The following APBA2 variants were observed in gnomAD, a reference collection of about 807,000 sequenced individuals.
The protein encoded by APBA2 is amyloid beta precursor protein binding family A member 2.
A neutral mutation model predicts 75.0 loss-of-function variants in APBA2; 30 were observed. That is an observed-to-expected ratio of 0.40 (90% CI 0.30 to 0.54). APBA2 has a LOEUF of 0.54. Among genes scored for constraint, APBA2 ranks in the 20% least tolerant of loss-of-function variants. The pLI, the probability that APBA2 is intolerant of heterozygous loss-of-function variation, is 0.49. For synonymous variants in APBA2, 444 were observed against 409.6 expected (o/e 1.08, Z -1.01); for missense variants, 801 against 1,016.1 (o/e 0.79, Z 2.88).
At chr15:28,970,633 T>C (rs1007972851) in intron 2 of APBA2, 9 of 151,770 alleles carry the variant, frequency 5.9e-5, no homozygotes, top group Admixed American at 5.2e-4. Context: ...TTTTGTCACC[T>C]GAAAGCGTCC....
At chr15:29,030,389 G>A (rs962292938) in intron 3 of APBA2, among the ~76,000 whole-genome samples, 1 of 152,110 alleles carries the variant, frequency 6.6e-6, no homozygotes, top group African/African-American at 2.4e-5. Flanking sequence ...GTGAACCCGG[G>A]AGGCGGAGCT....
chr15:29,034,612 G>A (rs1051418025), intron 3 of APBA2, among the ~76,000 whole-genome samples: 1 of 152,216 alleles, frequency 6.6e-6, no homozygotes, highest in African/African-American at 2.4e-5. Flanking sequence ...TTACTTTGAA[G>A]AGTGACACTT....
chr15:28,984,914 TC>T, intron 2 of APBA2, among the ~76,000 whole-genome samples: 1 of 111,042 alleles, frequency 9.0e-6, no homozygotes, highest in African/African-American at 1.0e-4. Context: ...GGGGAGCTGC[TC>T]TCTCTCTCTC....
intron 1 of APBA2, chr15:28,919,303 A>T (rs2033843563): frequency 6.6e-6 from 1 of 152,244 alleles, no homozygotes; most frequent in Non-Finnish European, 1.5e-5. Context: ...TCTGCTGGGC[A>T]CTGCGACACA....
intron 1 of APBA2, among the ~76,000 whole-genome samples, chr15:28,898,103 C>T (rs1374170738): frequency 6.6e-6 from 1 of 152,130 alleles, no homozygotes; most frequent in Non-Finnish European, 1.5e-5. Flanking sequence ...AAAGGATTCT[C>T]CCCTGGTGCC....
intron 4 of APBA2, among the ~76,000 whole-genome samples, chr15:29,071,495 G>T (rs1306356217): frequency 6.6e-6 from 1 of 151,270 alleles, no homozygotes; most frequent in Non-Finnish European, 1.5e-5. Context: ...GTCCTCTGTT[G>T]GCTGTAGGGA....
rs2041774664 is a variant in APBA2, at chr15:29,054,378, TGCCCATTCCGGAGGATGA to T, written c.499_516del (p.Ile167_Pro172del). 6.2e-7 allele frequency: 1 copy of T among 1,613,966 alleles called. No homozygotes were observed. The highest frequency in any genetic ancestry group is 1.7e-5 in the Admixed American group (1 of 60,010). ...AGCCAGGACTACCCAGACGGCCAAC[TGCCCATTCCGGAGGATGA>T]GCCCTCCGTCCTTGAGGCCCATGAC... On this transcript the variant is annotated inframe_deletion, in exon 4 of 15. Coordinates refer to ENST00000683413, the MANE Select transcript of APBA2 (RefSeq NM_001353788.2). This position sits in a 1 kb window ranked among gnomAD's most constrained non-coding sequence, Gnocchi z 6.1.
At chr15:28,973,782 C>T (rs911705199) in intron 2 of APBA2, among the ~76,000 whole-genome samples, 1 of 152,100 alleles carries the variant, frequency 6.6e-6, no homozygotes, top group Non-Finnish European at 1.5e-5. Flanking sequence ...AAAAGAGGAA[C>T]AGAGAATCAG....
At chr15:29,085,909 C>T (rs568497137) in intron 6 of APBA2, among the ~76,000 whole-genome samples, 2 of 152,268 alleles carry the variant, frequency 1.3e-5, no homozygotes, top group South Asian at 2.1e-4. Context: ...ATGTGGAAGG[C>T]GCCTCCTAAA....
intron 14 of APBA2, among the ~76,000 whole-genome samples, chr15:29,115,865 C>T (rs1439484060): frequency 2.0e-5 from 3 of 152,152 alleles, no homozygotes; most frequent in Non-Finnish European, 4.4e-5. Flanking sequence ...GCTGCTCAGC[C>T]CAGGGCCCGA....
In APBA2 at chr15:28,913,800, T is replaced by A. The variant is rs188531985; in HGVS notation, c.-204-7840T>A. Among the ~76,000 whole-genome samples, 693 of 152,366 alleles carry A rather than the reference T, an allele frequency of 4.5e-3. 5 individuals are homozygous for A. Among genetic ancestry groups the A allele is most frequent in the Middle Eastern group, 0.01 (3 of 294 alleles). Reference sequence around the variant, plus strand: ...TACAGTCACCGAGTTTCTTTCATTGTATTCGGTGACTTTGAAGCCAGTTTG... The same window carrying A: ...TACAGTCACCGAGTTTCTTTCATTGAATTCGGTGACTTTGAAGCCAGTTTG... On this transcript the variant is annotated intron_variant, in intron 1 of 14. Coordinates refer to ENST00000683413, the MANE Select transcript of APBA2 (RefSeq NM_001353788.2).
chr15:28,960,284 G>T lies in APBA2; in HGVS notation c.-94-35469G>T, dbSNP rs766605665. Among the ~76,000 whole-genome samples, 112 of 151,606 alleles carry T rather than the reference G, an allele frequency of 7.4e-4. 2 individuals carry two copies. Among genetic ancestry groups the T allele is most frequent in the Non-Finnish European group, 2.1e-4 (14 of 67,954 alleles). On this transcript the variant is annotated intron_variant, in intron 2 of 14. Transcript: ENST00000683413. Reference sequence around the variant, plus strand: ...AAAACCAGCCTGAGCAACACAGCAAGACCCCTGTCTCCACAAAAAATATAT... The same window carrying T: ...AAAACCAGCCTGAGCAACACAGCAATACCCCTGTCTCCACAAAAAATATAT...
chr15:29,050,853 G>A (rs2041562180), intron 3 of APBA2, among the ~76,000 whole-genome samples: 1 of 152,300 alleles, frequency 6.6e-6, no homozygotes, highest in Middle Eastern at 3.4e-3. Context: ...TACCTTCAAC[G>A]TGCACAGCTT....
In APBA2 at chr15:28,903,259, G is replaced by A. The variant is rs1192929931; in HGVS notation, c.-205+16981G>A. ...ACTTATAGTCAGTGACAGAGGCCAT[G>A]TTTTTTTGGGGGGTGATATTGGTCA... On this transcript the variant is annotated intron_variant, in intron 1 of 14. Transcript: ENST00000683413. Among the ~76,000 whole-genome samples the A allele has an allele frequency of 2.0e-5, 3 of 152,176 alleles. No individual in the cohort carries two copies. The East Asian group carries it at 5.8e-4, about 29-fold the overall frequency.
chr15:29,044,812 A>G (rs142523065), intron 3 of APBA2, among the ~76,000 whole-genome samples: 27 of 152,338 alleles, frequency 1.8e-4, no homozygotes, highest in African/African-American at 5.8e-4. Context: ...TAGTCAGCTC[A>G]GGCTGCTATA....
chr15:28,958,335 G>C (rs1486664684), intron 2 of APBA2, among the ~76,000 whole-genome samples: 2 of 152,214 alleles, frequency 1.3e-5, no homozygotes, highest in African/African-American at 4.8e-5. Flanking sequence ...CCATTACTGG[G>C]CCCAGGCCCT....
intron 3 of APBA2, among the ~76,000 whole-genome samples, chr15:29,010,779 T>C (rs1164217080): frequency 1.3e-5 from 2 of 152,204 alleles, no homozygotes. Context: ...CCATTCTTGT[T>C]TTCTAATATA....
intron 3 of APBA2, among the ~76,000 whole-genome samples, chr15:29,018,418 A>G (rs2039786693): frequency 6.6e-6 from 1 of 152,224 alleles, no homozygotes; most frequent in South Asian, 2.1e-4. Context: ...GAGGAATTAT[A>G]TATCCCTACA....
At chr15:28,916,557 A>G (rs2033700207) in intron 1 of APBA2, among the ~76,000 whole-genome samples, 1 of 152,168 alleles carries the variant, frequency 6.6e-6, no homozygotes, top group African/African-American at 2.4e-5. Context: ...GACATGGCTG[A>G]CAAGCCTTTG....
Sources: allele counts gnomAD v4.1 joint callset (sites outside exome capture counted in the v4.1 genomes callset), GRCh38; gene constraint gnomAD v4.1.1; non-coding constraint Gnocchi (gnomAD v3.1); transcripts MANE v1.5; gene names NCBI Gene and HGNC (gene_info 2026-07-23, HGNC 2026-07-21).